Variants in ST8SIA4 observed in about 807,000 individuals in gnomAD.
ST8SIA4 encodes ST8 alpha-N-acetyl-neuraminide alpha-2,8-sialyltransferase 4.
Under a neutral mutation model 33.9 loss-of-function variants are expected in ST8SIA4, and 15 were observed. That is an observed-to-expected ratio of 0.44 (90% confidence interval 0.30 to 0.68). The LOEUF is 0.68. Ranked by LOEUF, ST8SIA4 falls within the 30% of genes least tolerant of loss-of-function variation. ST8SIA4 has a pLI of 0.10. For synonymous variants in ST8SIA4, 171 were observed against 151.2 expected (o/e 1.13, Z -0.96); for missense variants, 321 against 428.0 (o/e 0.75, Z 2.21).
intron 3 of ST8SIA4, among the ~76,000 whole-genome samples, chr5:100,867,039 T>C (rs1752081726): frequency 6.6e-6 from 1 of 152,144 alleles, no homozygotes; most frequent in Admixed American, 6.5e-5. Context: ...TGAATGTGGA[T>C]ATATTTATGG....
intron 2 of ST8SIA4, among the ~76,000 whole-genome samples, chr5:100,890,051 A>G (rs1752626693): frequency 6.6e-6 from 1 of 151,836 alleles, no homozygotes; most frequent in African/African-American, 2.4e-5. Context: ...CCAAACTTTC[A>G]GTTTCTGTTT....
intron 2 of ST8SIA4, among the ~76,000 whole-genome samples, chr5:100,894,924 G>T (rs565398417): frequency 6.6e-6 from 1 of 152,124 alleles, no homozygotes; most frequent in African/African-American, 2.4e-5. Flanking sequence ...TTACTGAAAT[G>T]CTGTGATTCA....
intron 2 of ST8SIA4, among the ~76,000 whole-genome samples, chr5:100,893,775 A>G (rs1431942315): frequency 6.6e-6 from 1 of 152,162 alleles, no homozygotes; most frequent in African/African-American, 2.4e-5. Context: ...TATACTAGTT[A>G]AACTATTACA....
At chr5:100,833,271 A>C (rs1218876860) in intron 4 of ST8SIA4, among the ~76,000 whole-genome samples, 2 of 152,126 alleles carry the variant, frequency 1.3e-5, no homozygotes, top group African/African-American at 4.8e-5. Flanking sequence ...AAGTGAAGTA[A>C]ATTCCTAGCC....
At chr5:100,880,709 A>G (rs1752401049) in intron 3 of ST8SIA4, among the ~76,000 whole-genome samples, 1 of 152,208 alleles carries the variant, frequency 6.6e-6, no homozygotes, top group Admixed American at 6.5e-5. Context: ...CCAGGGTGAC[A>G]GCAGTGGATG....
chr5:100,813,657 T>G (rs1213244871), intron 4 of ST8SIA4, among the ~76,000 whole-genome samples: 1 of 152,010 alleles, frequency 6.6e-6, no homozygotes, highest in East Asian at 1.9e-4. Context: ...TTGAAGGCTT[T>G]GAAGAAACTA....
At chr5:100,847,907 C>A (rs185053115) in intron 4 of ST8SIA4, among the ~76,000 whole-genome samples, 1 of 151,914 alleles carries the variant, frequency 6.6e-6, no homozygotes. Flanking sequence ...GAATCCTGGG[C>A]GGGTACATTA....
At chr5:100,860,029 G>T (rs1479004365) in intron 3 of ST8SIA4, among the ~76,000 whole-genome samples, 1 of 152,086 alleles carries the variant, frequency 6.6e-6, no homozygotes, top group Non-Finnish European at 1.5e-5. Flanking sequence ...ACAACGTATT[G>T]TATGTATCTG....
chr5:100,840,931 C>A (rs1160298872), intron 4 of ST8SIA4, among the ~76,000 whole-genome samples: 1 of 151,786 alleles, frequency 6.6e-6, no homozygotes, highest in Non-Finnish European at 1.5e-5. Flanking sequence ...CCCACCTAAT[C>A]CATTTGCAAT....
rs568600961 is a variant in ST8SIA4, at chr5:100,853,791, GT to G, written c.797+2311del. ...AACTTACTGAAAATGCACTACTGCA[GT>G]CACTCCTCTTATTTCATGCTTTGGT... On this transcript the variant is annotated intron_variant, in intron 4 of 4. Coordinates refer to ENST00000231461, the MANE Select transcript of ST8SIA4 (RefSeq NM_005668.6). Among the ~76,000 whole-genome samples, 284 of 152,246 alleles carry G rather than the reference GT, an allele frequency of 1.9e-3. 1 individual carries two copies. Among genetic ancestry groups the G allele is most frequent in the Middle Eastern group, 6.8e-3 (2 of 294 alleles).
chr5:100,818,363 G>T (rs1214548648), intron 4 of ST8SIA4, among the ~76,000 whole-genome samples: 1 of 151,970 alleles, frequency 6.6e-6, no homozygotes, highest in African/African-American at 2.4e-5. Flanking sequence ...GAAGCTTTTT[G>T]GGAATTTTTT....
intron 4 of ST8SIA4, among the ~76,000 whole-genome samples, chr5:100,838,000 T>A (rs1212887275): frequency 6.6e-6 from 1 of 152,034 alleles, no homozygotes; most frequent in Non-Finnish European, 1.5e-5. Flanking sequence ...TATATGTTTA[T>A]ACTTCATTCT....
At chr5:100,824,163 GTAT>G (rs1751091807) in intron 4 of ST8SIA4, among the ~76,000 whole-genome samples, 1 of 152,132 alleles carries the variant, frequency 6.6e-6, no homozygotes, top group South Asian at 2.1e-4. Flanking sequence ...GAAATGTACA[GTAT>G]TATTGACCAT....
At chr5:100,823,329 T>C (rs545635370) in intron 4 of ST8SIA4, among the ~76,000 whole-genome samples, 32 of 152,322 alleles carry the variant, frequency 2.1e-4, no homozygotes, top group African/African-American at 7.5e-4. Context: ...TTGTTTAACA[T>C]ATAATCAAGA....
At chr5:100,822,623 C>T (rs185980784) in intron 4 of ST8SIA4, among the ~76,000 whole-genome samples, 2 of 152,148 alleles carry the variant, frequency 1.3e-5, no homozygotes, top group East Asian at 1.9e-4. Context: ...TATATTATGT[C>T]GAAGAAATCA....
chr5:100,823,653 A>G (rs1191746277), intron 4 of ST8SIA4, among the ~76,000 whole-genome samples: 1 of 152,242 alleles, frequency 6.6e-6, no homozygotes, highest in Non-Finnish European at 1.5e-5. Flanking sequence ...ATCCGGTAAA[A>G]CAAAACAAAT....
intron 3 of ST8SIA4, among the ~76,000 whole-genome samples, chr5:100,861,862 T>C (rs972730111): frequency 6.6e-6 from 1 of 152,218 alleles, no homozygotes; most frequent in Admixed American, 6.5e-5. Flanking sequence ...TGATGGGAAC[T>C]GTACTGGGAA....
intron 4 of ST8SIA4, among the ~76,000 whole-genome samples, chr5:100,852,514 T>C (rs1200439736): frequency 6.6e-6 from 1 of 151,826 alleles, no homozygotes; most frequent in East Asian, 1.9e-4. Flanking sequence ...GAAATACCAG[T>C]AAAAAAGTGG....
chr5:100,902,182 T>C (rs1462623548), intron 1 of ST8SIA4, among the ~76,000 whole-genome samples: 4 of 152,084 alleles, frequency 2.6e-5, no homozygotes, highest in Admixed American at 2.6e-4. Context: ...TCTGAACTCA[T>C]CTAGACAAAC....
Sources: allele counts gnomAD v4.1 joint callset (sites outside exome capture counted in the v4.1 genomes callset), GRCh38; gene constraint gnomAD v4.1.1; transcripts MANE v1.5; gene names NCBI Gene and HGNC (gene_info 2026-07-23, HGNC 2026-07-21).